The following VRK1 variants were observed in gnomAD, a reference collection of about 807,000 sequenced individuals.
The protein encoded by VRK1 is serine/threonine-protein kinase VRK1.
Under a neutral mutation model 57.1 loss-of-function variants are expected in VRK1, and 33 were observed. The observed-to-expected ratio is 0.58, with a 90% CI of 0.44 to 0.77. VRK1 has a LOEUF of 0.77. VRK1 is among the 30% of genes least tolerant of loss of function. The probability of loss-of-function intolerance (pLI) is 0.00; values close to 1 mark genes in which losing one functional copy is unlikely to be tolerated. For missense variants in VRK1, 413 were observed against 477.3 expected, an observed-to-expected ratio of 0.87 and a Z score of 1.25; for synonymous variants, 137 against 147.8, an observed-to-expected ratio of 0.93 and a Z score of 0.53.
chr14:96,807,981 C>T (rs906809767), intron 1 of VRK1, among the ~76,000 whole-genome samples: 11 of 55,600 alleles, frequency 2.0e-4, no homozygotes, highest in African/African-American at 7.1e-4. Context: ...CTCTCTGTCT[C>T]TCTCCCTCTC....
chr14:96,846,373 A>C (rs1887693556), intron 4 of VRK1, among the ~76,000 whole-genome samples: 1 of 152,184 alleles, frequency 6.6e-6, no homozygotes, highest in South Asian at 2.1e-4. Flanking sequence ...ACATAGAATG[A>C]AGTTAATAAT....
chr14:96,820,048 A>T (rs1886539650), intron 1 of VRK1, among the ~76,000 whole-genome samples: 1 of 152,078 alleles, frequency 6.6e-6, no homozygotes, highest in Non-Finnish European at 1.5e-5. Context: ...TCAAACAGTG[A>T]CCATGACCTT....
At chr14:96,837,299 A>G (rs1437814550) in intron 2 of VRK1, among the ~76,000 whole-genome samples, 2 of 152,204 alleles carry the variant, frequency 1.3e-5, no homozygotes, top group South Asian at 2.1e-4. Flanking sequence ...ATCCTGAACT[A>G]TTGGTTCAGG....
At chr14:96,863,760 G>A (rs2139821217) in intron 11 of VRK1, among the ~76,000 whole-genome samples, 1 of 151,852 alleles carries the variant, frequency 6.6e-6, no homozygotes, top group East Asian at 1.9e-4. Context: ...ATGCTAATTG[G>A]TCTTTCTAGA....
chr14:96,855,563 T>TGAAA (rs1888122373), intron 8 of VRK1, among the ~76,000 whole-genome samples: 1 of 152,216 alleles, frequency 6.6e-6, no homozygotes, highest in African/African-American at 2.4e-5. Flanking sequence ...CCTCGCAGCC[T>TGAAA]TCAAAGATAA....
chr14:96,811,345 A>C (rs1886195385), intron 1 of VRK1, among the ~76,000 whole-genome samples: 1 of 152,252 alleles, frequency 6.6e-6, no homozygotes, highest in South Asian at 2.1e-4. Context: ...CTCCTGCAGA[A>C]GGGAGCAAAT....
chr14:96,876,003 CTCTCTCTCTT>C lies in VRK1; in HGVS notation c.1069-25_1069-16del. On this transcript the variant is annotated splice_polypyrimidine_tract_variant and intron_variant, in intron 11 of 12. Transcript: ENST00000216639. ...GTTTACTTGACTGTCAGATATCTCT[CTCTCTCTCTT>C]TAATTTTATATGTAAGAAGCGAAAG... 1 of 1,606,572 alleles carries C rather than the reference CTCTCTCTCTT, an allele frequency of 6.2e-7. No homozygotes were observed.
intron 1 of VRK1, 86 bp from the exon 2 acceptor site, chr14:96,833,381 C>G (rs1887086988): frequency 1.5e-5 from 22 of 1,514,492 alleles, no homozygotes; most frequent in Middle Eastern, 1.8e-4. Context: ...TGAACAGCAT[C>G]TCCGTACGGA....
At chr14:96,878,620 G>A (rs188573740) in intron 12 of VRK1, among the ~76,000 whole-genome samples, 3 of 152,212 alleles carry the variant, frequency 2.0e-5, no homozygotes, top group Admixed American at 2.0e-4. Context: ...TGAATAGTTG[G>A]GGGTCTATTG....
chr14:96,821,693 C>G (rs1380867319), intron 1 of VRK1, among the ~76,000 whole-genome samples: 1 of 152,184 alleles, frequency 6.6e-6, no homozygotes, highest in Non-Finnish European at 1.5e-5. Flanking sequence ...AACATGTACA[C>G]TCCTCTGCTC....
chr14:96,803,320 G>T (rs966179475), intron 1 of VRK1, among the ~76,000 whole-genome samples: 1 of 151,836 alleles, frequency 6.6e-6, no homozygotes, highest in Non-Finnish European at 1.5e-5. Context: ...ACAGGCGCCT[G>T]CTGCCACGCA....
chr14:96,813,088 C>T (rs1886266498), intron 1 of VRK1, among the ~76,000 whole-genome samples: 1 of 152,164 alleles, frequency 6.6e-6, no homozygotes, highest in East Asian at 1.9e-4. Flanking sequence ...TGAAGGGATA[C>T]CAAGGTAAGA....
Position 96,833,620 on chromosome 14 carries a change from GTA to G in VRK1, c.155_156del (p.Tyr52SerfsTer3). The G allele has an allele frequency of 6.2e-7, 1 of 1,613,646 alleles. No homozygotes were observed. The highest frequency in any genetic ancestry group is 8.5e-7 in the Non-Finnish European group (1 of 1,179,610). On this transcript the variant is annotated frameshift_variant, in exon 2 of 13. Transcript: ENST00000216639. LOFTEE classifies it high-confidence loss of function. The stretch of plus-strand genomic sequence containing the variant: ...CCCATTGGCCAAGGAGGCTTTGGCT[GTA>G]TATATCTTGGTAAGTGTGTGACTGC...
intron 1 of VRK1, among the ~76,000 whole-genome samples, chr14:96,798,477 GA>G (rs1370981661): frequency 6.6e-6 from 1 of 152,086 alleles, no homozygotes; most frequent in East Asian, 1.9e-4. Flanking sequence ...CCCTTTCTTG[GA>G]ACAACTTGGA....
At chr14:96,820,062 T>C (rs1477475315) in intron 1 of VRK1, among the ~76,000 whole-genome samples, 1 of 152,100 alleles carries the variant, frequency 6.6e-6, no homozygotes, top group Non-Finnish European at 1.5e-5. Flanking sequence ...TGACCTTTTT[T>C]TGGTGCAAGT....
chr14:96,800,621 A>T (rs930303034), intron 1 of VRK1, among the ~76,000 whole-genome samples: 1 of 152,102 alleles, frequency 6.6e-6, no homozygotes, highest in Non-Finnish European at 1.5e-5. Context: ...ATGTTTGTGA[A>T]TCACATTTAT....
chr14:96,864,131 G>A (rs1274037590), intron 11 of VRK1, among the ~76,000 whole-genome samples: 2 of 152,028 alleles, frequency 1.3e-5, no homozygotes, highest in Non-Finnish European at 2.9e-5. Context: ...TAGTTAAGTC[G>A]AGTCAGCATT....
At chr14:96,856,663 C>A (rs866119077) in intron 10 of VRK1, 77 bp downstream of exon 10, 1 of 1,283,094 alleles carries the variant, frequency 7.8e-7, no homozygotes. Context: ...ATGGAATAGC[C>A]CTTAATGTAA....
At chr14:96,866,565 CT>C (rs1332984544) in intron 11 of VRK1, among the ~76,000 whole-genome samples, 16 of 152,258 alleles carry the variant, frequency 1.1e-4, no homozygotes, top group African/African-American at 3.6e-4. Context: ...TGCCGTCTTT[CT>C]CCAGGTTTCT....
Sources: gnomAD v4.1 joint callset for allele counts (sites outside exome capture counted in the v4.1 genomes callset) on GRCh38, gnomAD v4.1.1 for gene constraint, MANE v1.5 for transcripts, NCBI Gene and HGNC (gene_info 2026-07-23, HGNC 2026-07-21) for gene names.